Variants in CMYA5 observed in about 807,000 individuals in gnomAD.
CMYA5 encodes cardiomyopathy associated 5, also known as cardiomyopathy-associated protein 5.
In CMYA5, 246 loss-of-function variants were observed where a neutral mutation model predicts 318.9. The ratio of observed to expected loss-of-function variants is 0.77; its 90% CI spans 0.70 to 0.86. CMYA5 has a LOEUF of 0.86. Ranked by LOEUF, CMYA5 falls within the 40% of genes least tolerant of loss-of-function variation. The pLI is 0.00. For synonymous variants in CMYA5, 1,641 were observed against 1,729.5 expected, an observed-to-expected ratio of 0.95 and a Z score of 1.27; for missense variants, 4,589 against 4,678.2, an observed-to-expected ratio of 0.98 and a Z score of 0.56.
chr5:79,757,935 A>T (rs1458711775), intron 6 of CMYA5, among the ~76,000 whole-genome samples: 2 of 152,232 alleles, frequency 1.3e-5, no homozygotes, highest in African/African-American at 4.8e-5. Context: ...CAGTGATTGC[A>T]TCTAAAGAAT....
At chr5:79,789,315 A>C (rs1160757223) in intron 10 of CMYA5, among the ~76,000 whole-genome samples, 1 of 152,228 alleles carries the variant, frequency 6.6e-6, no homozygotes, top group South Asian at 2.1e-4. Context: ...CCTGTTAGCA[A>C]TCAGCCAGGG....
rs1378358091 is a variant in CMYA5 at position 79,799,307 on chromosome 5, CTT to C, written c.11964-61_11964-60del. 6.6e-6 allele frequency: 10 copies of C among 1,519,738 alleles called. No individual in the cohort carries two copies. The African/African-American group carries it at 1.4e-4, about 21-fold the overall frequency. The allele number at this position is 1,519,738 out of a possible 1,614,324, so 94.1% of individuals were successfully genotyped here. A position where few individuals can be genotyped will look rare whatever the true frequency, so the allele number is the denominator to read the frequency against. The stretch of plus-strand genomic sequence containing the variant: ...TGAAGAATTGGTTATTCCCAAGTGA[CTT>C]TCCTTTTCAAATTCCTTGAGATTTC... On this transcript the variant is annotated intron_variant, in intron 12 of 12. Transcript: ENST00000446378.
chr5:79,764,352 A>G (rs904164911), intron 9 of CMYA5, among the ~76,000 whole-genome samples: 4 of 152,092 alleles, frequency 2.6e-5, no homozygotes, highest in African/African-American at 9.7e-5. Context: ...TTATGGCTGC[A>G]TAGTATTTCG....
intron 12 of CMYA5, among the ~76,000 whole-genome samples, chr5:79,793,889 T>A (rs1319275961): frequency 6.6e-6 from 1 of 152,180 alleles, no homozygotes; most frequent in Non-Finnish European, 1.5e-5. Context: ...CAGGTCAGCT[T>A]CCTTGCTCTG....
chr5:79,705,101 G>C (rs1373715306), intron 1 of CMYA5, among the ~76,000 whole-genome samples: 4 of 152,056 alleles, frequency 2.6e-5, no homozygotes, highest in Admixed American at 6.6e-5. Context: ...GTGAAACCCT[G>C]TCTCTACTAA....
At chr5:79,795,285 G>A (rs1189417730) in intron 12 of CMYA5, among the ~76,000 whole-genome samples, 1 of 152,034 alleles carries the variant, frequency 6.6e-6, no homozygotes, top group Non-Finnish European at 1.5e-5. Context: ...CTGGCCTCTG[G>A]GACTCTGAGA....
chr5:79,745,004 TTGA>T (rs1828287935), intron 3 of CMYA5, among the ~76,000 whole-genome samples: 1 of 152,232 alleles, frequency 6.6e-6, no homozygotes, highest in Non-Finnish European at 1.5e-5. Flanking sequence ...TAAAACTTTC[TTGA>T]TGATACTGTT....
Position 79,735,265 on chromosome 5 carries a change from C to T in CMYA5, c.6500C>T (p.Pro2167Leu), listed in dbSNP as rs762016220. 2.5e-6 allele frequency: 4 copies of T among 1,613,858 alleles called. No individual in the cohort carries two copies. In the Admixed American group the frequency reaches 6.7e-5, roughly 27 times the overall value. The change falls in exon 2 of 13, where the codon CCT (proline) becomes CTT (leucine). Residue 2167 changes from proline to leucine, a missense_variant. Pro to Leu is a moderately conservative substitution (Grantham distance 98). This residue lies in a region of CMYA5 where 2,431 missense variants were observed against 2,495.1 expected (regional missense o/e 0.97). Coordinates refer to ENST00000446378, the MANE Select transcript of CMYA5 (RefSeq NM_153610.5). ...TQPKVAKPDL[P>L]EEKGKKGISS... ...CCAAAGGTGGCTAAGCCGGACCTTC[C>T]TGAGGAAAAGGGAAAGAAAGGAATT...
In CMYA5 at chr5:79,731,524, A is replaced by C. The variant is rs759896611; in HGVS notation, c.2759A>C (p.His920Pro). The change falls in exon 2 of 13, where the codon CAT becomes CCT. Residue 920 changes from histidine to proline, a missense_variant. By Grantham distance (77) the His-to-Pro change is moderately conservative (BLOSUM62 -2). Around this residue, in one of 3 missense-constraint regions of CMYA5, gnomAD observed 2,132 missense variants for 2,131.3 expected, o/e 1.00. Coordinates refer to ENST00000446378, the MANE Select transcript of CMYA5 (RefSeq NM_153610.5). Reference sequence around the variant, plus strand: ...GAGGCACAGGAGGAAGAAATTGTCCATAGATCTCTAAATCTAAAAGGTGCA... The same window carrying C: ...GAGGCACAGGAGGAAGAAATTGTCCCTAGATCTCTAAATCTAAAAGGTGCA... ...TPEAQEEEIV[H>P]RSLNLKGASS... 7.5e-6 allele frequency: 12 copies of C among 1,603,574 alleles called. No individual in the cohort carries two copies. The East Asian group carries it at 2.7e-4, about 36-fold the overall frequency.
At chr5:79,794,309 T>G (rs1439326002) in intron 12 of CMYA5, among the ~76,000 whole-genome samples, 1 of 152,388 alleles carries the variant, frequency 6.6e-6, no homozygotes, top group African/African-American at 2.4e-5. Context: ...CATCTGTCCC[T>G]TTACAGAAAA....
intron 12 of CMYA5, among the ~76,000 whole-genome samples, chr5:79,796,279 GC>G (rs1363477265): frequency 6.6e-6 from 1 of 152,138 alleles, no homozygotes; most frequent in East Asian, 1.9e-4. Flanking sequence ...TAGAAATGTG[GC>G]TGGTAGGACT....
In CMYA5 at chr5:79,770,251, G is replaced by GAGCTA. The variant is rs576815053; in HGVS notation, c.11555+7042_11555+7043insAGCTA. Among the ~76,000 whole-genome samples the GAGCTA allele has an allele frequency of 3.2e-3, 480 of 152,284 alleles. 1 individual carries two copies. Among genetic ancestry groups the GAGCTA allele is most frequent in the African/African-American group, 0.011 (457 of 41,552 alleles). On this transcript the variant is annotated intron_variant, in intron 9 of 12. Transcript: ENST00000446378. ...TAGCTTGCTGGGCTCCTTGGGGGTG[G>GAGCTA]GATCCACTGAGCTAGACCACTTGGC... is the stretch of plus-strand genomic sequence containing the variant.
At chr5:79,784,884 C>G (rs944302431) in intron 9 of CMYA5, among the ~76,000 whole-genome samples, 1 of 151,934 alleles carries the variant, frequency 6.6e-6, no homozygotes, top group Non-Finnish European at 1.5e-5. Flanking sequence ...TCTTCTGCGT[C>G]GCTCACGCTG....
chr5:79,741,349 G>C (rs2151089335), intron 2 of CMYA5, among the ~76,000 whole-genome samples: 1 of 152,278 alleles, frequency 6.6e-6, no homozygotes, highest in East Asian at 1.9e-4. Flanking sequence ...TCATGTTCTT[G>C]ACTATATACG....
intron 1 of CMYA5, among the ~76,000 whole-genome samples, chr5:79,719,066 A>G (rs1440373009): frequency 8.0e-6 from 1 of 124,618 alleles, no homozygotes; most frequent in East Asian, 2.9e-4. Flanking sequence ...TCAGATAAAA[A>G]TAGAGAACCC....
At chr5:79,759,780 C>G (rs1828609857) in intron 7 of CMYA5, among the ~76,000 whole-genome samples, 1 of 152,028 alleles carries the variant, frequency 6.6e-6, no homozygotes, top group Non-Finnish European at 1.5e-5. Flanking sequence ...TATACTATTA[C>G]TAATATTTAA....
chr5:79,756,759 CT>C (rs1366947087), intron 6 of CMYA5, among the ~76,000 whole-genome samples: 1 of 152,098 alleles, frequency 6.6e-6, no homozygotes, highest in Non-Finnish European at 1.5e-5. Context: ...CTGAACTGAT[CT>C]TTATTTTTCT....
At chr5:79,757,947 C>T (rs997581044) in intron 6 of CMYA5, among the ~76,000 whole-genome samples, 4 of 152,120 alleles carry the variant, frequency 2.6e-5, no homozygotes, top group African/African-American at 7.2e-5. Flanking sequence ...CTAAAGAATA[C>T]AGCTGGGCGC....
chr5:79,696,587 A>C (rs1437363328), intron 1 of CMYA5, among the ~76,000 whole-genome samples: 1 of 152,240 alleles, frequency 6.6e-6, no homozygotes, highest in African/African-American at 2.4e-5. Context: ...AAATATATAC[A>C]ATTTTGATTT....
Sources: gnomAD v4.1 joint callset for allele counts (sites outside exome capture counted in the v4.1 genomes callset) on GRCh38, gnomAD v4.1.1 for gene constraint, gnomAD v4.1.1 regional missense constraint, MANE v1.5 for transcripts, NCBI Gene and HGNC (gene_info 2026-07-23, HGNC 2026-07-21) for gene names.